EYA2: variants seen among roughly 807,000 people sequenced by gnomAD.
EYA2 encodes the protein protein phosphatase EYA2.
Under a neutral mutation model 69.2 loss-of-function variants are expected in EYA2, and 31 were observed. The ratio of observed to expected loss-of-function variants is 0.45; its 90% confidence interval spans 0.34 to 0.60. The LOEUF is 0.60. EYA2 is among the 20% of genes least tolerant of loss of function. EYA2 has a pLI of 0.02. For missense variants in EYA2, 622 were observed against 701.2 expected (o/e 0.89, Z 1.28); for synonymous variants, 257 against 279.4 (o/e 0.92, Z 0.80).
At chr20:46,907,639 G>T (rs914655308) in intron 1 of EYA2, among the ~76,000 whole-genome samples, 3 of 152,210 alleles carry the variant, frequency 2.0e-5, no homozygotes, top group Non-Finnish European at 4.4e-5. Context: ...AGAAGTTCGA[G>T]ACCAGCCTGG....
intron 9 of EYA2, among the ~76,000 whole-genome samples, chr20:47,100,378 G>T (rs536376251): frequency 2.8e-4 from 42 of 152,278 alleles, no homozygotes; most frequent in East Asian, 1.7e-3. Context: ...GCCCTCTTAG[G>T]GGGGGTGGAC....
intron 9 of EYA2, among the ~76,000 whole-genome samples, chr20:47,140,152 G>C (rs949444022): frequency 6.6e-6 from 1 of 152,180 alleles, no homozygotes; most frequent in African/African-American, 2.4e-5. Context: ...CGTCAAAGAG[G>C]AGTGTGTGAT....
chr20:46,902,744 A>G (rs1202975259), intron 1 of EYA2, among the ~76,000 whole-genome samples: 1 of 152,246 alleles, frequency 6.6e-6, no homozygotes, highest in African/African-American at 2.4e-5. Flanking sequence ...GTAGAAATGA[A>G]TGAATGTTTC....
At chr20:47,151,394 G>A (rs1600746987) in intron 10 of EYA2, among the ~76,000 whole-genome samples, 1 of 151,612 alleles carries the variant, frequency 6.6e-6, no homozygotes, top group East Asian at 2.0e-4. Flanking sequence ...TCTTCAGTGA[G>A]CTATTATGGA....
chr20:47,128,356 G>C (rs767642756), intron 9 of EYA2, among the ~76,000 whole-genome samples: 1 of 152,136 alleles, frequency 6.6e-6, no homozygotes, highest in Non-Finnish European at 1.5e-5. Flanking sequence ...CCAAAGACCA[G>C]CATTGCAGTT....
intron 1 of EYA2, among the ~76,000 whole-genome samples, chr20:46,905,430 A>G (rs974572682): frequency 4.6e-5 from 7 of 152,258 alleles, no homozygotes; most frequent in African/African-American, 1.2e-4. Flanking sequence ...ACATTTCAAT[A>G]GCATCCTTCA....
At position 46,921,735 on chromosome 20, in the gene EYA2, C is replaced by T. The variant is rs560000566; in HGVS notation, c.-11+26748C>T. On this transcript the variant is annotated intron_variant, in intron 1 of 15. Transcript: ENST00000327619. ...AAGGCAACTCAAAGGAAGACAGAGA[C>T]AAGATATGGAGGGCAAAAGATTCCC... Among the ~76,000 whole-genome samples the T allele has an allele frequency of 3.4e-4, 52 of 152,344 alleles. No homozygotes were observed. The South Asian group carries it at 0.01, about 30-fold the overall frequency.
chr20:47,022,893 G>A (rs1983840826), intron 5 of EYA2, among the ~76,000 whole-genome samples: 1 of 151,756 alleles, frequency 6.6e-6, no homozygotes, highest in African/African-American at 2.4e-5. Context: ...TTTTTAAAGT[G>A]TTCAGTTTAG....
chr20:46,939,746 T>C (rs1168579452), intron 1 of EYA2, among the ~76,000 whole-genome samples: 1 of 152,206 alleles, frequency 6.6e-6, no homozygotes, highest in African/African-American at 2.4e-5. Flanking sequence ...GTCTAACAGA[T>C]GACACAGCAA....
chr20:47,144,165 G>A lies in EYA2; in HGVS notation c.978+1017G>A, dbSNP rs571012722. ...AAGGTCAGGAGATCGAGACCATCCT[G>A]GCTAACATGGCGAAACCCCGTCTCT... On this transcript the variant is annotated intron_variant, in intron 10 of 15. Coordinates refer to ENST00000327619, the MANE Select transcript of EYA2 (RefSeq NM_005244.5). Among the ~76,000 whole-genome samples the A allele has an allele frequency of 2.4e-4, 36 of 152,256 alleles. 1 individual carries two copies. Among genetic ancestry groups the A allele is most frequent in the Middle Eastern group, 3.4e-3 (1 of 294 alleles).
chr20:46,973,121 A>G (rs549906923), intron 1 of EYA2, among the ~76,000 whole-genome samples: 1 of 152,282 alleles, frequency 6.6e-6, no homozygotes, highest in South Asian at 2.1e-4. Flanking sequence ...ATGAGATGCA[A>G]TGGTGAGAGC....
intron 5 of EYA2, among the ~76,000 whole-genome samples, chr20:47,025,535 T>C (rs971330638): frequency 1.3e-5 from 2 of 152,364 alleles, no homozygotes; most frequent in African/African-American, 4.8e-5. Flanking sequence ...TATTATTGCA[T>C]TGAATGATGT....
At chr20:47,002,448 C>T (rs113915895) in intron 3 of EYA2, among the ~76,000 whole-genome samples, 7,505 of 152,226 alleles carry the variant, frequency 0.049, 571 homozygotes, top group African/African-American at 0.16. Context: ...TAAGTGAGAA[C>T]ATGCAGTGTT....
intron 4 of EYA2, among the ~76,000 whole-genome samples, chr20:47,007,148 T>C (rs1982769790): frequency 6.6e-6 from 1 of 152,162 alleles, no homozygotes; most frequent in Non-Finnish European, 1.5e-5. Flanking sequence ...GCCAAGCAGG[T>C]CTCAAATTCC....
intron 1 of EYA2, 47 bp from the exon 2 acceptor site, chr20:46,989,954 C>A (rs1275332856): frequency 7.6e-6 from 7 of 917,480 alleles, no homozygotes; most frequent in African/African-American, 3.2e-5. Context: ...CATTAGCAAG[C>A]ATGCATAATT....
chr20:46,908,546 T>C (rs1051880420), intron 1 of EYA2, among the ~76,000 whole-genome samples: 6 of 152,172 alleles, frequency 3.9e-5, no homozygotes, highest in Non-Finnish European at 8.8e-5. Context: ...AAAAATGATT[T>C]TTCAAAGTAC....
intron 9 of EYA2, among the ~76,000 whole-genome samples, chr20:47,106,764 G>C (rs368293347): frequency 9.2e-5 from 14 of 152,240 alleles, no homozygotes; most frequent in African/African-American, 1.7e-4. Context: ...TCCTTCAGTT[G>C]TTGGAAGTCA....
At chr20:47,042,090 A>T (rs779969809) in intron 5 of EYA2, among the ~76,000 whole-genome samples, 1 of 152,228 alleles carries the variant, frequency 6.6e-6, no homozygotes, top group African/African-American at 2.4e-5. Flanking sequence ...AGTGTGAAAG[A>T]TGTTCTCCTT....
intron 5 of EYA2, among the ~76,000 whole-genome samples, chr20:47,020,112 G>A (rs1983659629): frequency 6.6e-6 from 1 of 151,758 alleles, no homozygotes; most frequent in Admixed American, 6.6e-5. Flanking sequence ...TCCAGCCTGG[G>A]CAATACAGCA....
Sources: allele counts gnomAD v4.1 joint callset (sites outside exome capture counted in the v4.1 genomes callset), GRCh38; gene constraint gnomAD v4.1.1; transcripts MANE v1.5; gene names NCBI Gene and HGNC (gene_info 2026-07-23, HGNC 2026-07-21).